The following VPS13A variants were observed in gnomAD, a reference collection of about 807,000 sequenced individuals.
The protein encoded by VPS13A is vacuolar protein sorting 13 homolog A.
Under a neutral mutation model 390.9 loss-of-function variants are expected in VPS13A, and 264 were observed. The ratio of observed to expected loss-of-function variants is 0.68; its 90% confidence interval spans 0.61 to 0.75. The LOEUF (loss-of-function observed/expected upper bound fraction) is 0.75. Ranked by LOEUF, VPS13A falls within the 30% of genes least tolerant of loss-of-function variation. The pLI is 0.00. For missense variants in VPS13A, 3,409 were observed against 3,733.9 expected (o/e 0.91, Z 2.27); for synonymous variants, 1,231 against 1,227.1 (o/e 1.00, Z -0.07).
At chr9:77,297,410 G>C (rs1264994291) in intron 33 of VPS13A, among the ~76,000 whole-genome samples, 1 of 151,648 alleles carries the variant, frequency 6.6e-6, no homozygotes. Context: ...CCTTCCCCTG[G>C]GTCCCCCCTC....
intron 34 of VPS13A, among the ~76,000 whole-genome samples, chr9:77,303,849 G>A (rs1178725332): frequency 6.6e-6 from 1 of 152,092 alleles, no homozygotes; most frequent in Non-Finnish European, 1.5e-5. Context: ...ACCATAGGGC[G>A]GTTTTTCTCC....
At chr9:77,389,425 C>T (rs1421306476) in intron 68 of VPS13A, among the ~76,000 whole-genome samples, 1 of 151,902 alleles carries the variant, frequency 6.6e-6, no homozygotes, top group African/African-American at 2.4e-5. Context: ...CCTGCTCCAC[C>T]CTCCCAAGTA....
At chr9:77,200,019 T>C (rs1345392979) in intron 2 of VPS13A, 31 bp downstream of exon 2, 1 of 1,537,776 alleles carries the variant, frequency 6.5e-7, no homozygotes, top group Admixed American at 1.7e-5. Context: ...ATTTGTAAAG[T>C]TATTGCATTT....
intron 52 of VPS13A, among the ~76,000 whole-genome samples, chr9:77,349,939 C>T (rs1831365740): frequency 6.6e-6 from 1 of 152,090 alleles, no homozygotes; most frequent in South Asian, 2.1e-4. Context: ...CCACCGCGCC[C>T]AGCCCAGTTT....
At chr9:77,314,451 A>G (rs1564720188) in intron 36 of VPS13A, 44 bp from the exon 37 acceptor site, 9 of 1,566,814 alleles carry the variant, frequency 5.7e-6, no homozygotes, top group Non-Finnish European at 7.9e-6. Context: ...TACACTTTAG[A>G]CTTGTGTTTC....
chr9:77,280,690 T>A (rs960106745), intron 27 of VPS13A, among the ~76,000 whole-genome samples: 1 of 152,200 alleles, frequency 6.6e-6, no homozygotes, highest in African/African-American at 2.4e-5. Flanking sequence ...TGTACTATGG[T>A]CTATTTCTAA....
chr9:77,377,203 G>GTTTTTTTTTT (rs61562443), intron 67 of VPS13A, among the ~76,000 whole-genome samples: 7 of 69,050 alleles, frequency 1.0e-4, no homozygotes, highest in African/African-American at 4.1e-4. Flanking sequence ...TTTTGATGCT[G>GTTTTTTTTTT]TTTTTTTTTT....
At chr9:77,206,967 A>G (rs928368714) in intron 5 of VPS13A, among the ~76,000 whole-genome samples, 24 of 151,630 alleles carry the variant, frequency 1.6e-4, no homozygotes, top group Non-Finnish European at 2.8e-4. Context: ...TTTTCTCTGT[A>G]ACAGTTACTT....
chr9:77,412,285 C>A (rs918040995), intron 71 of VPS13A, among the ~76,000 whole-genome samples: 2 of 151,948 alleles, frequency 1.3e-5, no homozygotes, highest in Admixed American at 6.6e-5. Context: ...GGCAGAGACA[C>A]AACAAAAAAA....
rs1564727543 is a variant in VPS13A at position 77,321,762 on chromosome 9, A to G, written c.5830+16A>G. 3 of 1,612,786 alleles carry G rather than the reference A, an allele frequency of 1.9e-6. No homozygotes were observed. The highest frequency in any genetic ancestry group is 2.5e-6 in the Non-Finnish European group (3 of 1,179,224). On this transcript the variant is annotated intron_variant, in intron 44 of 71. Transcript: ENST00000360280. The stretch of plus-strand genomic sequence containing the variant: ...ATTCTTCTTAGTAAGTAGTTGAAAA[A>G]TTACCTTCCTGGGGCTATTTTGTTT...
intron 35 of VPS13A, among the ~76,000 whole-genome samples, chr9:77,313,031 A>T (rs1023118150): frequency 1.3e-5 from 2 of 152,170 alleles, no homozygotes; most frequent in African/African-American, 2.4e-5. Flanking sequence ...GAAACAACTC[A>T]AATGTTCATC....
chr9:77,322,812 T>TG, intron 44 of VPS13A, among the ~76,000 whole-genome samples: 1 of 152,142 alleles, frequency 6.6e-6, no homozygotes. Flanking sequence ...TTATAGTACT[T>TG]GCTCTCATTA....
At chr9:77,355,230 C>T (rs571038029) in intron 54 of VPS13A, among the ~76,000 whole-genome samples, 3 of 152,308 alleles carry the variant, frequency 2.0e-5, no homozygotes, top group Admixed American at 1.3e-4. Flanking sequence ...TTTCAACACA[C>T]CATGAAACTG....
chr9:77,331,159 G>A (rs1037455100), intron 45 of VPS13A, among the ~76,000 whole-genome samples: 6 of 151,776 alleles, frequency 4.0e-5, no homozygotes, highest in Non-Finnish European at 5.9e-5. Context: ...AAAGTGGTGT[G>A]GTGAACATCA....
chr9:77,352,302 T>C (rs1831516779), intron 53 of VPS13A, among the ~76,000 whole-genome samples: 1 of 152,176 alleles, frequency 6.6e-6, no homozygotes, highest in Non-Finnish European at 1.5e-5. Flanking sequence ...CCTTCAAGAT[T>C]CATCTTAATT....
At chr9:77,384,771 G>A in intron 68 of VPS13A, 3 of 1,526,918 alleles carry the variant, frequency 2.0e-6, no homozygotes, top group Non-Finnish European at 2.6e-6. Context: ...CCATTTATAG[G>A]GAGGTAAAAC....
chr9:77,366,965 G>A (rs537511831), intron 61 of VPS13A, 93 bp downstream of exon 61: 43 of 1,337,560 alleles, frequency 3.2e-5, no homozygotes, highest in South Asian at 4.0e-5. Context: ...TGTGAAGTAC[G>A]TTGCAGATCA....
intron 68 of VPS13A, among the ~76,000 whole-genome samples, chr9:77,393,761 C>A (rs1310456490): frequency 1.3e-5 from 2 of 152,090 alleles, no homozygotes; most frequent in Non-Finnish European, 2.9e-5. Context: ...CTTAAGGACT[C>A]TAGGATTTTT....
intron 33 of VPS13A, among the ~76,000 whole-genome samples, chr9:77,302,309 T>A (rs184943894): frequency 1.3e-5 from 2 of 151,944 alleles, no homozygotes; most frequent in East Asian, 3.9e-4. Context: ...TTACAACTTA[T>A]ATACTTTTGC....
Sources: gnomAD v4.1 joint callset for allele counts (sites outside exome capture counted in the v4.1 genomes callset) on GRCh38, gnomAD v4.1.1 for gene constraint, MANE v1.5 for transcripts, NCBI Gene and HGNC (gene_info 2026-07-23, HGNC 2026-07-21) for gene names.